The following OR2C1 variants were observed in gnomAD, a reference collection of about 807,000 sequenced individuals.
OR2C1 encodes the protein olfactory receptor 2C1.
For synonymous variants in OR2C1, 209 were observed against 167.3 expected, an observed-to-expected ratio of 1.25 and a Z score of -1.92; for missense variants, 468 against 388.3, an observed-to-expected ratio of 1.21 and a Z score of -1.73.
chr16:3,336,708 C>CTTTTTTTTTTTTTTTTTTTT, the OR2C1 span, among the ~76,000 whole-genome samples: 1 of 93,768 alleles, frequency 1.1e-5, no homozygotes, highest in African/African-American at 4.5e-5. Context: ...TTCTTTCTTT[C>CTTTTTTTTTTTTTTTTTTTT]TTTCTTTTTT....
chr16:3,326,258 A>G, the OR2C1 span, among the ~76,000 whole-genome samples: 1 of 151,962 alleles, frequency 6.6e-6, no homozygotes, highest in African/African-American at 2.4e-5. Flanking sequence ...ACAGCCTGGG[A>G]CGCCGAGAAC....
At chr16:3,326,878 G>C in the OR2C1 span, among the ~76,000 whole-genome samples, 2 of 152,320 alleles carry the variant, frequency 1.3e-5, no homozygotes, top group East Asian at 3.9e-4. Context: ...TAGAGTGATA[G>C]AAATTCAGTC....
the OR2C1 span, among the ~76,000 whole-genome samples, chr16:3,335,104 C>T: frequency 5.3e-5 from 8 of 152,342 alleles, no homozygotes; most frequent in East Asian, 1.9e-4. Flanking sequence ...CAGGCGTGAG[C>T]CACCATGCCT....
the OR2C1 span, among the ~76,000 whole-genome samples, chr16:3,329,530 A>G: frequency 3.3e-5 from 5 of 151,800 alleles, no homozygotes; most frequent in African/African-American, 1.2e-4. Context: ...GCTCACTGCA[A>G]GCTCCGCTTC....
At chr16:3,335,766 T>G in the OR2C1 span, among the ~76,000 whole-genome samples, 1 of 152,148 alleles carries the variant, frequency 6.6e-6, no homozygotes, top group Non-Finnish European at 1.5e-5. Context: ...ATTTTGATTT[T>G]GTATCTACCA....
chr16:3,353,493 A>G (rs1285993003), upstream of OR2C1, among the ~76,000 whole-genome samples: 3 of 146,052 alleles, frequency 2.1e-5, no homozygotes, highest in Non-Finnish European at 4.5e-5. Flanking sequence ...CCGTCTCAAA[A>G]AAAAAAAAAA....
upstream of OR2C1, among the ~76,000 whole-genome samples, chr16:3,355,465 A>AAAAAAAAAAAAAAAAAAAAAAAAAC (rs1382052254): frequency 7.1e-6 from 1 of 141,636 alleles, no homozygotes; most frequent in Non-Finnish European, 1.5e-5. Flanking sequence ...CTCAAAAAAA[A>AAAAAAAAAAAAAAAAAAAAAAAAAC]AAAAAAAGCT....
At chr16:3,342,110 G>T in the OR2C1 span, among the ~76,000 whole-genome samples, 1 of 152,050 alleles carries the variant, frequency 6.6e-6, no homozygotes, top group Non-Finnish European at 1.5e-5. Flanking sequence ...ATTTAGCTAG[G>T]CGTGGTGGCA....
At chr16:3,346,852 G>A in the OR2C1 span, among the ~76,000 whole-genome samples, 1 of 151,100 alleles carries the variant, frequency 6.6e-6, no homozygotes, top group Admixed American at 6.6e-5. Context: ...GGCTAGTCTC[G>A]AACTCTTGGC....
chr16:3,344,676 G>A, the OR2C1 span, among the ~76,000 whole-genome samples: 239 of 151,926 alleles, frequency 1.6e-3, 2 homozygotes, highest in African/African-American at 5.4e-3. Flanking sequence ...GCAGTGAGCC[G>A]AGATCGGCGC....
the OR2C1 span, among the ~76,000 whole-genome samples, chr16:3,345,934 A>G: frequency 6.9e-6 from 1 of 144,542 alleles, no homozygotes; most frequent in East Asian, 2.3e-4. Context: ...CCTGGGCTCA[A>G]GTGATCCTCC....
chr16:3,327,655 T>G, the OR2C1 span, among the ~76,000 whole-genome samples: 1 of 150,232 alleles, frequency 6.7e-6, no homozygotes, highest in Non-Finnish European at 1.5e-5. Context: ...AACTTGAAAC[T>G]AAGTAATCTA....
At chr16:3,338,538 C>CTTTTT in the OR2C1 span, among the ~76,000 whole-genome samples, 17 of 103,286 alleles carry the variant, frequency 1.6e-4, no homozygotes, top group Non-Finnish European at 2.4e-4. Flanking sequence ...GTATAGGTAC[C>CTTTTT]TTTTTTTTTT....
chr16:3,356,303 C>G lies in OR2C1; in HGVS notation c.363C>G (p.Asp121Glu), dbSNP rs372576961. ...TCCTGCTGGTGGTGATGGCATTTGA[C>G]CGCTACGTGGCAGTGTGCCGGCCCC... ...ECILLVVMAF[D>E]RYVAVCRPLR... Residue 121 changes from aspartate to glutamate, a missense_variant, in exon 1 of 1, where the codon GAC becomes GAG. By Grantham distance (45) the Asp-to-Glu change is conservative. Transcript: ENST00000304936. The G allele has an allele frequency of 1.2e-6, 2 of 1,613,398 alleles. No individual in the cohort carries two copies. Among genetic ancestry groups the G allele is most frequent in the Admixed American group, 3.3e-5 (2 of 60,002 alleles).
chr16:3,327,566 C>T, the OR2C1 span, among the ~76,000 whole-genome samples: 1 of 151,630 alleles, frequency 6.6e-6, no homozygotes, highest in Non-Finnish European at 1.5e-5. Context: ...GAACACCAGG[C>T]ATCCCAGATG....
chr16:3,328,686 A>T, the OR2C1 span, among the ~76,000 whole-genome samples: 4 of 152,188 alleles, frequency 2.6e-5, no homozygotes, highest in Admixed American at 2.6e-4. Flanking sequence ...CCTTATCCCA[A>T]CAACTCTCTT....
At chr16:3,347,861 C>T in the OR2C1 span, among the ~76,000 whole-genome samples, 3,715 of 36,938 alleles carry the variant, frequency 0.1, 147 homozygotes, top group African/African-American at 0.19. Flanking sequence ...CGCACACACG[C>T]GCACACACAC....
the OR2C1 span, chr16:3,323,621 AGT>A: frequency 2.7e-6 from 2 of 728,970 alleles, no homozygotes; most frequent in South Asian, 2.8e-5. Flanking sequence ...TGTCTGCACC[AGT>A]AGACTCACGC....
chr16:3,355,741 C>T (rs768233283), upstream of OR2C1: 1 of 579,008 alleles, frequency 1.7e-6, no homozygotes. Context: ...GAGATTGTGC[C>T]ACTGCACTCC....
Sources: allele counts gnomAD v4.1 joint callset (sites outside exome capture counted in the v4.1 genomes callset), GRCh38; gene constraint gnomAD v4.1.1; transcripts MANE v1.5; gene names NCBI Gene and HGNC (gene_info 2026-07-23, HGNC 2026-07-21).